The following ATP1A1 variants were observed in gnomAD, a reference collection of about 807,000 sequenced individuals.
ATP1A1 encodes the protein ATPase Na+/K+ transporting subunit alpha 1.
ATP1A1 carries 14 observed loss-of-function variants against 114.8 expected under a neutral mutation model. The ratio of observed to expected loss-of-function variants is 0.12; its 90% CI spans 0.08 to 0.19. The LOEUF (loss-of-function observed/expected upper bound fraction) is 0.19. Ranked by LOEUF, ATP1A1 falls within the 10% of genes least tolerant of loss-of-function variation. The pLI is 1.00. For missense variants in ATP1A1, 524 were observed against 1,290.7 expected, an observed-to-expected ratio of 0.41 and a Z score of 9.10; for synonymous variants, 471 against 466.3, an observed-to-expected ratio of 1.01 and a Z score of -0.13.
Position 116,404,358 on chromosome 1 carries a change from T to G in ATP1A1, c.3044-58T>G. 1 of 1,608,836 alleles carries G rather than the reference T, an allele frequency of 6.2e-7. No individual in the cohort carries two copies. The highest frequency in any genetic ancestry group is 8.5e-7 in the Non-Finnish European group (1 of 1,175,936). On this transcript the variant is annotated intron_variant, in intron 22 of 22. Coordinates refer to ENST00000295598, the MANE Select transcript of ATP1A1 (RefSeq NM_000701.8). The surrounding 1 kb of genome is among the most constrained non-coding windows in gnomAD (Gnocchi z 4.8). ...TTTTCATCCCTGTTTCCCTCTGTAA[T>G]GCTGGAGCGAGGAAGACTCACTGTA...
Position 116,401,820 on chromosome 1 carries a change from T to A in ATP1A1, c.2951+165T>A. The A allele has an allele frequency of 1.5e-6, 1 of 662,042 alleles. No individual in the cohort carries two copies. Among genetic ancestry groups the A allele is most frequent in the Non-Finnish European group, 2.6e-6 (1 of 383,836 alleles). 41.0% of individuals were successfully genotyped at this position (662,042 alleles called of 1,614,324 possible). ...AGCTTGACATGTCAGTAAATCAGAC[T>A]AACAAATCCTGAGGCTTCCATGATA... On this transcript the variant is annotated intron_variant, in intron 21 of 22. Coordinates refer to ENST00000295598, the MANE Select transcript of ATP1A1 (RefSeq NM_000701.8). This position sits in a 1 kb window ranked among gnomAD's most constrained non-coding sequence, Gnocchi z 4.7.
chr1:116,402,541 A>T (rs1653580868), intron 21 of ATP1A1, among the ~76,000 whole-genome samples: 2 of 152,210 alleles, frequency 1.3e-5, no homozygotes, highest in South Asian at 4.1e-4. Context: ...CCTGTGGGTT[A>T]TGTGCAGACA....
chr1:116,395,305 T>C lies in ATP1A1; in HGVS notation c.1836+20T>C, dbSNP rs202017098. 3.3e-5 allele frequency: 54 copies of C among 1,611,998 alleles called. No individual in the cohort carries two copies. The highest frequency in any genetic ancestry group is 4.2e-5 in the Non-Finnish European group (49 of 1,179,170). Reference sequence around the variant, plus strand: ...ATTAAGGTAGTGCCCAGGCGCCTCCTTGGCTTCATCTCTTAGTGCCTTGGG... The same window carrying C: ...ATTAAGGTAGTGCCCAGGCGCCTCCCTGGCTTCATCTCTTAGTGCCTTGGG... On this transcript the variant is annotated intron_variant, in intron 13 of 22. Coordinates refer to ENST00000295598, the MANE Select transcript of ATP1A1 (RefSeq NM_000701.8). The surrounding 1 kb of genome is among the most constrained non-coding windows in gnomAD (Gnocchi z 6.4).
Position 116,384,912 on chromosome 1 carries a change from T to C in ATP1A1, c.183+70T>C. On this transcript the variant is annotated intron_variant, in intron 3 of 22. Coordinates refer to ENST00000295598, the MANE Select transcript of ATP1A1 (RefSeq NM_000701.8). This position sits in a 1 kb window ranked among gnomAD's most constrained non-coding sequence, Gnocchi z 5.1. ...GTATTATATTTTCCCCTGTATTACA[T>C]ACAGGTCTAACCTCAGGGGCTCTAG... 1 of 1,483,368 alleles carries C rather than the reference T, an allele frequency of 6.7e-7. No individual in the cohort carries two copies. The highest frequency in any genetic ancestry group is 2.3e-5 in the East Asian group (1 of 44,174). The allele number at this position is 1,483,368 out of a possible 1,614,324, so 91.9% of individuals were successfully genotyped here. A position where few individuals can be genotyped will look rare whatever the true frequency, so the allele number is the denominator to read the frequency against.
chr1:116,398,011 C>T lies in ATP1A1; in HGVS notation c.2097C>T (p.Leu699=), dbSNP rs1653081822. 1 of 1,613,990 alleles carries T rather than the reference C, an allele frequency of 6.2e-7. No homozygotes were observed. Among genetic ancestry groups the T allele is most frequent in the Non-Finnish European group, 8.5e-7 (1 of 1,180,020 alleles). The part of the protein sequence containing the change: ...VFARTSPQQK[L]IIVEGCQRQG... ...CCAGGACCTCCCCTCAGCAGAAGCT[C>T]ATCATTGTGGAAGGCTGCCAAAGAC... is the stretch of plus-strand genomic sequence containing the variant. The change falls in exon 15 of 23, where the codon CTC becomes CTT. Residue 699 remains leucine (L), a synonymous_variant. Transcript: ENST00000295598. The surrounding 1 kb of genome is among the most constrained non-coding windows in gnomAD (Gnocchi z 6.1).
chr1:116,389,063 T>G lies in ATP1A1; in HGVS notation c.754+44T>G. ...CTTTGAGCATGGCGTGGTATTTCTC[T>G]TGGGCATTAACAAAATCAAAACCAT... On this transcript the variant is annotated intron_variant, in intron 7 of 22. Transcript: ENST00000295598. This position sits in a 1 kb window ranked among gnomAD's most constrained non-coding sequence, Gnocchi z 6.9. The G allele has an allele frequency of 2.6e-6, 4 of 1,526,138 alleles. No individual in the cohort carries two copies. The highest frequency in any genetic ancestry group is 3.6e-6 in the Non-Finnish European group (4 of 1,103,866). 94.5% of individuals were successfully genotyped at this position (1,526,138 alleles called of 1,614,324 possible).
In ATP1A1 at chr1:116,401,336, T is replaced by C. The variant is rs113149324; in HGVS notation, c.2849+76T>C. Reference sequence around the variant, plus strand: ...GATTTGTAAACCCTTTGCCAAAAACTAAACATATGACACATATAGCCAGGT... The same window carrying C: ...GATTTGTAAACCCTTTGCCAAAAACCAAACATATGACACATATAGCCAGGT... On this transcript the variant is annotated intron_variant, in intron 20 of 22. Coordinates refer to ENST00000295598, the MANE Select transcript of ATP1A1 (RefSeq NM_000701.8). The surrounding 1 kb of genome is among the most constrained non-coding windows in gnomAD (Gnocchi z 4.7). The C allele has an allele frequency of 6.9e-4, 1,103 of 1,600,818 alleles. 11 individuals are homozygous for C. The African/African-American group carries it at 0.013, about 19-fold the overall frequency.
At chr1:116,386,126 C>CAAAAAAA (rs59480092) in intron 3 of ATP1A1, 11 of 36,122 alleles carry the variant, frequency 3.0e-4, no homozygotes, top group Admixed American at 4.9e-4. Flanking sequence ...AACTCCATCT[C>CAAAAAAA]AAAAAAAAAA....
chr1:116,379,753 T>G (rs1056557416), intron 1 of ATP1A1, among the ~76,000 whole-genome samples: 1 of 152,194 alleles, frequency 6.6e-6, no homozygotes, highest in Admixed American at 6.5e-5. Flanking sequence ...GAGAATACTT[T>G]TACATACACA....
chr1:116,391,494 T>A (rs1185363416), intron 10 of ATP1A1, among the ~76,000 whole-genome samples: 3 of 152,226 alleles, frequency 2.0e-5, no homozygotes, highest in Non-Finnish European at 4.4e-5. Context: ...AGATGCAGTC[T>A]CAGAAGGATC....
rs1652243781 is a variant in ATP1A1 at position 116,388,486 on chromosome 1, C to T, written c.502-152C>T. The T allele has an allele frequency of 1.2e-5, 14 of 1,181,972 alleles. No individual in the cohort carries two copies. Among genetic ancestry groups the T allele is most frequent in the Admixed American group, 2.8e-5 (1 of 35,984 alleles). The allele number at this position is 1,181,972 out of a possible 1,614,324, so 73.2% of individuals were successfully genotyped here. On this transcript the variant is annotated intron_variant, in intron 5 of 22. Transcript: ENST00000295598. The surrounding 1 kb of genome is among the most constrained non-coding windows in gnomAD (Gnocchi z 5.6). Reference sequence around the variant, plus strand: ...CAGCAATATCTCTTAAACTGGCGAGCAAGCTTTTGTAACTTGTGTAAATAA... The same window carrying T: ...CAGCAATATCTCTTAAACTGGCGAGTAAGCTTTTGTAACTTGTGTAAATAA...
At chr1:116,396,466 T>C in intron 13 of ATP1A1, 132 bp from the exon 14 acceptor site, 1 of 1,184,740 alleles carries the variant, frequency 8.4e-7, no homozygotes, top group Non-Finnish European at 1.2e-6. Flanking sequence ...TTATTAGTTT[T>C]ATATTTGCAT....
At chr1:116,396,276 C>CTTTTTTTTTTT (rs367825500) in intron 13 of ATP1A1, among the ~76,000 whole-genome samples, 11 of 102,654 alleles carry the variant, frequency 1.1e-4, no homozygotes, top group African/African-American at 3.7e-4. Context: ...GATTTTTATC[C>CTTTTTTTTTTT]TTTTTTTTTT....
chr1:116,383,343 A>C, intron 1 of ATP1A1: 1 of 1,068,342 alleles, frequency 9.4e-7, no homozygotes, highest in Non-Finnish European at 1.1e-6. Flanking sequence ...CAGTGTTCTT[A>C]TGTGAGCACT....
At position 116,384,949 on chromosome 1, in the gene ATP1A1, C is replaced by G. The variant is rs938501817; in HGVS notation, c.183+107C>G. 9.3e-7 allele frequency: 1 copy of G among 1,071,710 alleles called. No individual in the cohort carries two copies. Among genetic ancestry groups the G allele is most frequent in the Non-Finnish European group, 1.4e-6 (1 of 701,842 alleles). 66.4% of individuals were successfully genotyped at this position (1,071,710 alleles called of 1,614,324 possible). A position where few individuals can be genotyped will look rare whatever the true frequency, so the allele number is the denominator to read the frequency against. ...CTCAGGGGCTCTAGTAAGAAAATGA[C>G]AGACACCATCTGCGTATCTACCATG... is the stretch of plus-strand genomic sequence containing the variant. On this transcript the variant is annotated intron_variant, in intron 3 of 22. Coordinates refer to ENST00000295598, the MANE Select transcript of ATP1A1 (RefSeq NM_000701.8). This position sits in a 1 kb window ranked among gnomAD's most constrained non-coding sequence, Gnocchi z 5.1.
intron 1 of ATP1A1, chr1:116,374,358 G>T: frequency 6.8e-7 from 1 of 1,480,432 alleles, no homozygotes; most frequent in Non-Finnish European, 9.2e-7. Flanking sequence ...GAAGGGACGA[G>T]CCCTGAAGGA....
rs540215014 is a variant in ATP1A1, at chr1:116,389,226, A to C, written c.754+207A>C. On this transcript the variant is annotated intron_variant, in intron 7 of 22. Coordinates refer to ENST00000295598, the MANE Select transcript of ATP1A1 (RefSeq NM_000701.8). The surrounding 1 kb of genome is among the most constrained non-coding windows in gnomAD (Gnocchi z 6.9). ...CTCCACCCTGCCTCTTCTGTCAACA[A>C]CACCAGTCTGGCATGGGTGTTGGAG... is the stretch of plus-strand genomic sequence containing the variant. Among the ~76,000 whole-genome samples the C allele has an allele frequency of 4.6e-5, 7 of 152,072 alleles. No individual in the cohort carries two copies. Among genetic ancestry groups the C allele is most frequent in the East Asian group, 1.9e-4 (1 of 5,194 alleles).
In ATP1A1 at chr1:116,387,166, T is replaced by A; in HGVS notation, c.184-122T>A. 1 of 1,182,668 alleles carries A rather than the reference T, an allele frequency of 8.5e-7. No individual in the cohort carries two copies. Among genetic ancestry groups the A allele is most frequent in the Non-Finnish European group, 1.2e-6 (1 of 841,136 alleles). The allele number at this position is 1,182,668 out of a possible 1,614,324, so 73.3% of individuals were successfully genotyped here. A position where few individuals can be genotyped will look rare whatever the true frequency, so the allele number is the denominator to read the frequency against. On this transcript the variant is annotated intron_variant, in intron 3 of 22. Transcript: ENST00000295598. The surrounding 1 kb of genome is among the most constrained non-coding windows in gnomAD (Gnocchi z 6.7). Reference sequence around the variant, plus strand: ...AATTTGCTAGGTTTTACCTTGGCTCTCTAGCTTGGGACATTTTGTTTCTTC... The same window carrying A: ...AATTTGCTAGGTTTTACCTTGGCTCACTAGCTTGGGACATTTTGTTTCTTC...
chr1:116,384,063 A>T lies in ATP1A1; in HGVS notation c.62A>T (p.Lys21Ile). ...GCAGCTGTTTCAGAACAAGGTGATA[A>T]AAAGGGCAAAAAGGGCAAAAAAGAC... ...EPAAVSEQGD[K>I]KGKKGKKDRD... The change falls in exon 2 of 23, where the codon AAA becomes ATA. Residue 21 changes from lysine (K) to isoleucine (I), a missense_variant. Coordinates refer to ENST00000295598, the MANE Select transcript of ATP1A1 (RefSeq NM_000701.8). This position sits in a 1 kb window ranked among gnomAD's most constrained non-coding sequence, Gnocchi z 5.1. 6.2e-7 allele frequency: 1 copy of T among 1,614,028 alleles called. No individual in the cohort carries two copies. The highest frequency in any genetic ancestry group is 8.5e-7 in the Non-Finnish European group (1 of 1,179,944).
Sources: gnomAD v4.1 joint callset for allele counts (sites outside exome capture counted in the v4.1 genomes callset) on GRCh38, gnomAD v4.1.1 for gene constraint, Gnocchi (gnomAD v3.1) non-coding constraint, MANE v1.5 for transcripts, NCBI Gene and HGNC (gene_info 2026-07-23, HGNC 2026-07-21) for gene names.